Variants in ARMC3 observed in about 807,000 individuals in gnomAD.
The protein encoded by ARMC3 is armadillo repeat containing 3, also known as armadillo repeat-containing protein 3.
A neutral mutation model predicts 90.3 loss-of-function variants in ARMC3; 74 were observed. The ratio of observed to expected loss-of-function variants is 0.82; its 90% CI spans 0.68 to 0.99. The LOEUF is 0.99. Among genes scored for constraint, ARMC3 ranks in the 50% least tolerant of loss-of-function variants. The pLI is 0.00. For synonymous variants in ARMC3, 334 were observed against 361.8 expected, an observed-to-expected ratio of 0.92 and a Z score of 0.87; for missense variants, 958 against 1,042.8, an observed-to-expected ratio of 0.92 and a Z score of 1.12.
rs560497189 is a variant in ARMC3 at position 23,034,821 on chromosome 10, C to T, written c.2409+1798C>T. Among the ~76,000 whole-genome samples, 122 of 152,148 alleles carry T rather than the reference C, an allele frequency of 8.0e-4. 1 individual carries two copies. The highest frequency in any genetic ancestry group is 1.6e-3 in the Non-Finnish European group (108 of 68,028). On this transcript the variant is annotated intron_variant, in intron 18 of 18. Transcript: ENST00000298032. ...CACTCTTCTGTTCTCCCTTTATGTACTTTGCAGGGTGAGGTTTTCCTTCAT... is the reference window on the plus strand; with the variant it reads ...CACTCTTCTGTTCTCCCTTTATGTATTTTGCAGGGTGAGGTTTTCCTTCAT...
chr10:22,931,884 G>A, intron 1 of ARMC3, 112 bp from the exon 2 acceptor site: 1 of 825,648 alleles, frequency 1.2e-6, no homozygotes, highest in Non-Finnish European at 1.9e-6. Context: ...ATTGCATTGT[G>A]TTTTAGGAGG....
chr10:22,971,896 C>T (rs1386794303), intron 8 of ARMC3, among the ~76,000 whole-genome samples: 5 of 152,094 alleles, frequency 3.3e-5, no homozygotes, highest in African/African-American at 9.7e-5. Context: ...TCCTAATGGG[C>T]GTGAGGTGCT....
intron 7 of ARMC3, among the ~76,000 whole-genome samples, chr10:22,964,440 ATTTTTTT>A (rs112985563): frequency 1.4e-5 from 2 of 138,468 alleles, no homozygotes; most frequent in East Asian, 4.2e-4. Context: ...TGTAGTGTTA[ATTTTTTT>A]TTTTTTTTTT....
intron 16 of ARMC3, among the ~76,000 whole-genome samples, chr10:23,028,758 A>C (rs1370022016): frequency 6.6e-6 from 1 of 152,200 alleles, no homozygotes; most frequent in African/African-American, 2.4e-5. Flanking sequence ...CTTGGATAGC[A>C]GTCTATCCAG....
At chr10:22,967,194 G>C (rs985995330) in intron 7 of ARMC3, among the ~76,000 whole-genome samples, 4 of 152,116 alleles carry the variant, frequency 2.6e-5, no homozygotes, top group Admixed American at 2.6e-4. Context: ...CAACTCATTA[G>C]ATGAGGTCCA....
chr10:23,005,665 G>C (rs1837568261), intron 13 of ARMC3, among the ~76,000 whole-genome samples: 1 of 152,142 alleles, frequency 6.6e-6, no homozygotes, highest in African/African-American at 2.4e-5. Flanking sequence ...AGGAGTTGGA[G>C]ACCAGCTGAC....
intron 3 of ARMC3, among the ~76,000 whole-genome samples, chr10:22,953,024 G>A (rs1006104492): frequency 1.6e-4 from 25 of 152,176 alleles, no homozygotes; most frequent in Non-Finnish European, 7.3e-5. Context: ...CTAACCAACT[G>A]ACTTTGAGAT....
At chr10:23,019,149 G>T (rs1286050370) in intron 16 of ARMC3, among the ~76,000 whole-genome samples, 1 of 152,210 alleles carries the variant, frequency 6.6e-6, no homozygotes. Flanking sequence ...ACGAAACGAT[G>T]ATTGTCTCCT....
At chr10:22,931,436 G>C (rs891517524) in intron 1 of ARMC3, among the ~76,000 whole-genome samples, 2 of 151,988 alleles carry the variant, frequency 1.3e-5, no homozygotes, top group Non-Finnish European at 2.9e-5. Context: ...TTTGTTATCC[G>C]GGCAAAGGAC....
At chr10:22,996,468 C>T (rs1836962158) in intron 10 of ARMC3, among the ~76,000 whole-genome samples, 1 of 151,996 alleles carries the variant, frequency 6.6e-6, no homozygotes, top group African/African-American at 2.4e-5. Context: ...TTTTAAGGGA[C>T]GTCATCCTAG....
At chr10:23,023,563 C>A (rs1378576245) in intron 16 of ARMC3, among the ~76,000 whole-genome samples, 4 of 152,118 alleles carry the variant, frequency 2.6e-5, no homozygotes, top group African/African-American at 9.7e-5. Flanking sequence ...TTAAAGCAGT[C>A]ATCATGAATG....
chr10:23,015,054 C>T (rs11593034), intron 16 of ARMC3, among the ~76,000 whole-genome samples: 8,731 of 151,500 alleles, frequency 0.058, 353 homozygotes, highest in Middle Eastern at 0.12. Flanking sequence ...AATGAGACAT[C>T]GAGAACCATG....
chr10:22,995,986 G>C (rs140423640), intron 10 of ARMC3, among the ~76,000 whole-genome samples: 143 of 152,222 alleles, frequency 9.4e-4, no homozygotes, highest in African/African-American at 3.3e-3. Context: ...ACCACCAAGT[G>C]ACAAAGGAAT....
At chr10:22,966,620 A>G (rs1188583949) in intron 7 of ARMC3, among the ~76,000 whole-genome samples, 1 of 152,186 alleles carries the variant, frequency 6.6e-6, no homozygotes, top group Non-Finnish European at 1.5e-5. Flanking sequence ...CCATTTTTAC[A>G]CTGCTATAAA....
intron 10 of ARMC3, among the ~76,000 whole-genome samples, chr10:22,990,971 C>T (rs1479534142): frequency 3.3e-5 from 5 of 151,980 alleles, no homozygotes; most frequent in Non-Finnish European, 7.4e-5. Context: ...TCCCTTCTCC[C>T]CCTCTCTGCT....
chr10:22,970,101 C>T (rs1388507649), intron 8 of ARMC3, among the ~76,000 whole-genome samples: 1 of 152,162 alleles, frequency 6.6e-6, no homozygotes, highest in East Asian at 1.9e-4. Context: ...ACTTACAATG[C>T]AGTGTTCAAA....
At position 23,037,563 on chromosome 10, in the gene ARMC3, C is replaced by G. The variant is rs1588949960; in HGVS notation, c.*84C>G. On this transcript the variant is annotated 3_prime_UTR_variant, in exon 19 of 19. Coordinates refer to ENST00000298032, the MANE Select transcript of ARMC3 (RefSeq NM_173081.5). ...GACATTCTCCAAATTGATTTTATCT[C>G]TTTAAATAAAAACTTTAAATAAAAG... The G allele has an allele frequency of 8.6e-7, 1 of 1,159,172 alleles. No individual in the cohort carries two copies. Among genetic ancestry groups the G allele is most frequent in the East Asian group, 2.7e-5 (1 of 37,374 alleles). 71.8% of individuals were successfully genotyped at this position (1,159,172 alleles called of 1,614,324 possible).
intron 13 of ARMC3, 123 bp from the exon 14 acceptor site, chr10:23,006,761 T>G: frequency 1.3e-6 from 1 of 750,056 alleles, no homozygotes; most frequent in Non-Finnish European, 2.4e-6. Context: ...ATATTGTACA[T>G]GTGTGTGTTT....
intron 3 of ARMC3, among the ~76,000 whole-genome samples, chr10:22,951,225 G>A (rs1834729059): frequency 6.6e-6 from 1 of 152,144 alleles, no homozygotes; most frequent in Non-Finnish European, 1.5e-5. Context: ...GCATGAGCCA[G>A]TGCGCCTGGC....
Sources: allele counts gnomAD v4.1 joint callset (sites outside exome capture counted in the v4.1 genomes callset), GRCh38; gene constraint gnomAD v4.1.1; transcripts MANE v1.5; gene names NCBI Gene and HGNC (gene_info 2026-07-23, HGNC 2026-07-21).